SRD5A2: variants seen among roughly 807,000 people sequenced by gnomAD.
SRD5A2 encodes steroid 5 alpha-reductase 2, also known as 3-oxo-5-alpha-steroid 4-dehydrogenase 2.
SRD5A2 carries 30 observed loss-of-function variants against 27.4 expected under a neutral mutation model. The ratio of observed to expected loss-of-function variants is 1.10; its 90% CI spans 0.82 to 1.49. The LOEUF (loss-of-function observed/expected upper bound fraction) is 1.49, where lower values mean the gene tolerates loss of function less well. Ranked by LOEUF, SRD5A2 falls within the 40% of genes most tolerant of loss-of-function variation. The pLI is 0.00. For missense variants in SRD5A2, 348 were observed against 323.4 expected, an observed-to-expected ratio of 1.08 and a Z score of -0.58; for synonymous variants, 141 against 133.6, an observed-to-expected ratio of 1.06 and a Z score of -0.38.
chr2:31,616,539 A>G, the SRD5A2 span, among the ~76,000 whole-genome samples: 1 of 152,196 alleles, frequency 6.6e-6, no homozygotes, highest in Non-Finnish European at 1.5e-5. Flanking sequence ...GAGCTTTAAG[A>G]TATGACTGCC....
At chr2:31,588,934 T>G in the SRD5A2 span, among the ~76,000 whole-genome samples, 1 of 152,242 alleles carries the variant, frequency 6.6e-6, no homozygotes, top group East Asian at 1.9e-4. Context: ...TGTGAGCTTT[T>G]GCTGCAAGAA....
chr2:31,629,452 C>A, the SRD5A2 span, among the ~76,000 whole-genome samples: 4 of 152,166 alleles, frequency 2.6e-5, no homozygotes, highest in African/African-American at 9.7e-5. Context: ...TCTGTCCTAT[C>A]CTTCCTTAGA....
intron 1 of SRD5A2, among the ~76,000 whole-genome samples, chr2:31,563,985 A>G (rs1052119808): frequency 1.3e-5 from 2 of 152,122 alleles, no homozygotes; most frequent in Non-Finnish European, 2.9e-5. Context: ...AAGAATATTT[A>G]TAGAAACACA....
chr2:31,536,522 C>T (rs1424689378), intron 1 of SRD5A2, among the ~76,000 whole-genome samples: 2 of 152,190 alleles, frequency 1.3e-5, no homozygotes, highest in Non-Finnish European at 2.9e-5. Flanking sequence ...CCCCACCCAA[C>T]TGCAAGGGAG....
the SRD5A2 span, among the ~76,000 whole-genome samples, chr2:31,629,807 T>C: frequency 6.6e-6 from 1 of 152,156 alleles, no homozygotes; most frequent in Non-Finnish European, 1.5e-5. Context: ...TTCTTGAAAA[T>C]GTAGCCCCAA....
At chr2:31,638,403 C>T in the SRD5A2 span, among the ~76,000 whole-genome samples, 2,375 of 152,200 alleles carry the variant, frequency 0.016, 35 homozygotes, top group Middle Eastern at 0.024. Context: ...GTGTATTCTA[C>T]AGCAGTTGGA....
chr2:31,647,910 T>G, the SRD5A2 span, among the ~76,000 whole-genome samples: 1 of 152,242 alleles, frequency 6.6e-6, no homozygotes, highest in African/African-American at 2.4e-5. Flanking sequence ...TTTATGAGTA[T>G]GAAAACTGTT....
chr2:31,593,434 A>G, the SRD5A2 span, among the ~76,000 whole-genome samples: 5 of 152,202 alleles, frequency 3.3e-5, no homozygotes, highest in African/African-American at 4.8e-5. Flanking sequence ...AGTGGAAAAA[A>G]GAACTTCAGA....
the SRD5A2 span, among the ~76,000 whole-genome samples, chr2:31,615,135 G>T: frequency 3.3e-5 from 5 of 152,100 alleles, no homozygotes; most frequent in African/African-American, 1.2e-4. Flanking sequence ...CCAGTCTCAG[G>T]TATGTCTTTA....
chr2:31,543,202 G>A (rs1666174665), intron 1 of SRD5A2, among the ~76,000 whole-genome samples: 2 of 152,136 alleles, frequency 1.3e-5, no homozygotes. Context: ...ACCATATCTG[G>A]CAAAACTTGA....
At chr2:31,657,963 A>T in the SRD5A2 span, among the ~76,000 whole-genome samples, 23 of 152,162 alleles carry the variant, frequency 1.5e-4, no homozygotes, top group African/African-American at 5.5e-4. Context: ...AACAGTAAAT[A>T]CAAAAAAATA....
At chr2:31,599,946 T>TTGATAATTA in the SRD5A2 span, among the ~76,000 whole-genome samples, 1 of 151,696 alleles carries the variant, frequency 6.6e-6, no homozygotes, top group Non-Finnish European at 1.5e-5. Context: ...TTAAGCCTAC[T>TTGATAATTA]ACCCATTAGT....
At chr2:31,643,157 A>C in the SRD5A2 span, among the ~76,000 whole-genome samples, 4 of 152,146 alleles carry the variant, frequency 2.6e-5, no homozygotes, top group African/African-American at 9.6e-5. Context: ...AGATTTGTGC[A>C]TTTCATTATA....
At chr2:31,608,862 T>C in the SRD5A2 span, among the ~76,000 whole-genome samples, 2 of 152,092 alleles carry the variant, frequency 1.3e-5, no homozygotes, top group African/African-American at 4.8e-5. Context: ...CTAAATTACG[T>C]TCTACCAAAA....
intron 1 of SRD5A2, among the ~76,000 whole-genome samples, chr2:31,561,760 C>A (rs140139611): frequency 6.6e-6 from 1 of 152,078 alleles, no homozygotes; most frequent in Non-Finnish European, 1.5e-5. Flanking sequence ...GGAGTGAAAC[C>A]TCCCATAGGC....
At chr2:31,593,183 C>T in the SRD5A2 span, among the ~76,000 whole-genome samples, 1 of 152,020 alleles carries the variant, frequency 6.6e-6, no homozygotes, top group Non-Finnish European at 1.5e-5. Flanking sequence ...ATGGGTGCAG[C>T]ACACCAGCAT....
At chr2:31,560,961 C>A (rs772430405) in intron 1 of SRD5A2, among the ~76,000 whole-genome samples, 6 of 152,124 alleles carry the variant, frequency 3.9e-5, no homozygotes, top group Admixed American at 6.6e-5. Flanking sequence ...GATGGGTGCC[C>A]TCCCTAAAAT....
intron 1 of SRD5A2, among the ~76,000 whole-genome samples, chr2:31,571,419 A>C (rs1346553558): frequency 6.6e-6 from 1 of 152,220 alleles, no homozygotes; most frequent in African/African-American, 2.4e-5. Flanking sequence ...TAAACACCCT[A>C]GAAGAAAACC....
chr2:31,567,339 A>G (rs545444968), intron 1 of SRD5A2, among the ~76,000 whole-genome samples: 92 of 152,188 alleles, frequency 6.0e-4, no homozygotes, highest in African/African-American at 2.1e-3. Flanking sequence ...GGCCACATAT[A>G]CATATAATTT....
Sources: allele counts gnomAD v4.1 joint callset (sites outside exome capture counted in the v4.1 genomes callset), GRCh38; gene constraint gnomAD v4.1.1; transcripts MANE v1.5; gene names NCBI Gene and HGNC (gene_info 2026-07-23, HGNC 2026-07-21).